The following ACAA2 variants were observed in gnomAD, a reference collection of about 807,000 sequenced individuals.
The protein encoded by ACAA2 is acetyl-CoA acyltransferase 2.
ACAA2 carries 35 observed loss-of-function variants against 44.8 expected under a neutral mutation model. The observed-to-expected ratio is 0.78, with a 90% CI of 0.60 to 1.04. The LOEUF (loss-of-function observed/expected upper bound fraction) is 1.04. Ranked by LOEUF, ACAA2 falls within the 50% of genes least tolerant of loss-of-function variation. ACAA2 has a pLI of 0.00. For missense variants in ACAA2, 468 were observed against 482.6 expected, an observed-to-expected ratio of 0.97 and a Z score of 0.28; for synonymous variants, 142 against 166.5, an observed-to-expected ratio of 0.85 and a Z score of 1.13.
chr18:49,791,142 C>T (rs1248396183), intron 7 of ACAA2, among the ~76,000 whole-genome samples: 1 of 152,218 alleles, frequency 6.6e-6, no homozygotes, highest in African/African-American at 2.4e-5. Context: ...TTTCTTTTAT[C>T]TTGTCAGGAT....
chr18:49,797,619 A>G, intron 2 of ACAA2, 25 bp from the exon 3 acceptor site: 1 of 1,559,270 alleles, frequency 6.4e-7, no homozygotes, highest in Non-Finnish European at 8.7e-7. Flanking sequence ...GAAAAGAAAA[A>G]TAATTTTCTC....
chr18:49,783,909 C>T lies in ACAA2; in HGVS notation c.1132G>A (p.Val378Ile), dbSNP rs142211915. 106 of 1,613,982 alleles carry T rather than the reference C, an allele frequency of 6.6e-5. No individual in the cohort carries two copies. The highest frequency in any genetic ancestry group is 3.3e-4 in the Middle Eastern group (2 of 6,050). Residue 378 changes from valine (V) to isoleucine (I), a missense_variant, in exon 10 of 10, where the codon GTT becomes ATT. By Grantham distance (29) the Val-to-Ile change is conservative. Transcript: ENST00000285093. ...ELRRRGGKYA[V>I]GSACIGGGQG... ...CCACCTCCAATGCAAGCTGATCCAA[C>T]GGCATATTTTCCACCTCGACGCCTG...
chr18:49,798,258 G>A (rs959389064), intron 2 of ACAA2, among the ~76,000 whole-genome samples: 1 of 152,146 alleles, frequency 6.6e-6, no homozygotes, highest in African/African-American at 2.4e-5. Context: ...GCATACTTAG[G>A]GAGAAGACAG....
At chr18:49,810,422 G>A (rs2023655772) in intron 1 of ACAA2, among the ~76,000 whole-genome samples, 1 of 152,060 alleles carries the variant, frequency 6.6e-6, no homozygotes, top group Non-Finnish European at 1.5e-5. Context: ...TCTCTACAAA[G>A]TTCCTTTTAT....
intron 2 of ACAA2, among the ~76,000 whole-genome samples, chr18:49,797,867 G>A (rs2143963448): frequency 6.6e-6 from 1 of 152,208 alleles, no homozygotes; most frequent in East Asian, 1.9e-4. Flanking sequence ...TAAGTGTATA[G>A]TTCAATGGTA....
intron 2 of ACAA2, 143 bp from the exon 3 acceptor site, chr18:49,797,737 C>T (rs148417552): frequency 4.7e-5 from 27 of 580,182 alleles, no homozygotes; most frequent in Middle Eastern, 4.9e-4. Context: ...CATCTAAGTA[C>T]AGCATATTAT....
intron 1 of ACAA2, among the ~76,000 whole-genome samples, chr18:49,803,437 C>A (rs1450045973): frequency 1.3e-5 from 2 of 152,058 alleles, no homozygotes; most frequent in Non-Finnish European, 2.9e-5. Flanking sequence ...CAGGTGGACC[C>A]CTTAGAGTTG....
chr18:49,783,621 CAG>C lies in ACAA2; in HGVS notation c.*224_*225del. 2.2e-6 allele frequency: 1 copy of C among 460,304 alleles called. No individual in the cohort carries two copies. Among genetic ancestry groups the C allele is most frequent in the Non-Finnish European group, 4.0e-6 (1 of 249,284 alleles). The allele number at this position is 460,304 out of a possible 1,614,324, so 28.5% of individuals were successfully genotyped here. A position where few individuals can be genotyped will look rare whatever the true frequency, so the allele number is the denominator to read the frequency against. On this transcript the variant is annotated 3_prime_UTR_variant, in exon 10 of 10. Coordinates refer to ENST00000285093, the MANE Select transcript of ACAA2 (RefSeq NM_006111.3). Reference sequence around the variant, plus strand: ...TGTCTTCTATAGTTGAGTTTTAGCTCAGAAATACATCATATTTCACTGGTTCA... The same window carrying C: ...TGTCTTCTATAGTTGAGTTTTAGCTCAAATACATCATATTTCACTGGTTCA...
intron 6 of ACAA2, 116 bp from the exon 7 acceptor site, chr18:49,791,715 G>C: frequency 2.0e-6 from 2 of 997,846 alleles, no homozygotes; most frequent in Non-Finnish European, 2.9e-6. Context: ...CCAGTGCACA[G>C]TGTGAGATAC....
chr18:49,813,130 G>A (rs983891914), intron 1 of ACAA2: 1 of 235,272 alleles, frequency 4.3e-6, no homozygotes, highest in South Asian at 1.8e-4. Context: ...GGCCTATGGC[G>A]CCGCCCCATT....
chr18:49,804,806 CA>C (rs1018584370), intron 1 of ACAA2, among the ~76,000 whole-genome samples: 3 of 150,428 alleles, frequency 2.0e-5, no homozygotes, highest in South Asian at 2.1e-4. Flanking sequence ...TACCATCTGC[CA>C]AAAAAAAACT....
chr18:49,789,741 T>C (rs2023376217), intron 7 of ACAA2, among the ~76,000 whole-genome samples: 1 of 152,060 alleles, frequency 6.6e-6, no homozygotes, highest in South Asian at 2.1e-4. Flanking sequence ...CCTAGCACTT[T>C]GGGAGGCTGA....
intron 8 of ACAA2, 74 bp from the exon 9 acceptor site, chr18:49,785,425 C>T (rs780965805): frequency 1.1e-5 from 15 of 1,417,878 alleles, no homozygotes; most frequent in Non-Finnish European, 1.4e-5. Context: ...TGGTCCAGTC[C>T]TATCAACAGC....
intron 3 of ACAA2, among the ~76,000 whole-genome samples, chr18:49,796,993 T>C (rs958157733): frequency 6.6e-6 from 1 of 152,222 alleles, no homozygotes; most frequent in Admixed American, 6.5e-5. Flanking sequence ...ATACTTACCA[T>C]TTTAACCATT....
At chr18:49,786,816 G>T (rs2023335182) in intron 8 of ACAA2, among the ~76,000 whole-genome samples, 1 of 152,068 alleles carries the variant, frequency 6.6e-6, no homozygotes, top group Non-Finnish European at 1.5e-5. Context: ...ATTATGATAG[G>T]TGCATCCCAA....
intron 2 of ACAA2, among the ~76,000 whole-genome samples, chr18:49,798,047 C>A (rs2023485426): frequency 6.6e-6 from 1 of 152,140 alleles, no homozygotes; most frequent in African/African-American, 2.4e-5. Flanking sequence ...TAGTATGCTC[C>A]TTAACAGAGG....
At chr18:49,810,520 G>T (rs1007881453) in intron 1 of ACAA2, among the ~76,000 whole-genome samples, 1 of 151,976 alleles carries the variant, frequency 6.6e-6, no homozygotes, top group Non-Finnish European at 1.5e-5. Context: ...AAAGGAAAGG[G>T]TGTGCATGGG....
At chr18:49,801,740 TTGTG>T (rs2023549961) in intron 2 of ACAA2, among the ~76,000 whole-genome samples, 1 of 145,034 alleles carries the variant, frequency 6.9e-6, no homozygotes, top group African/African-American at 2.5e-5. Context: ...ATATATATAT[TTGTG>T]TGTGTATATA....
intron 3 of ACAA2, among the ~76,000 whole-genome samples, chr18:49,796,493 T>C (rs978144192): frequency 2.6e-5 from 4 of 152,212 alleles, no homozygotes; most frequent in Non-Finnish European, 4.4e-5. Flanking sequence ...AATTGTTTTA[T>C]TAAAATACGC....
Sources: allele counts gnomAD v4.1 joint callset (sites outside exome capture counted in the v4.1 genomes callset), GRCh38; gene constraint gnomAD v4.1.1; transcripts MANE v1.5; gene names NCBI Gene and HGNC (gene_info 2026-07-23, HGNC 2026-07-21).